CLPTM1L: variants seen among roughly 807,000 people sequenced by gnomAD.
CLPTM1L encodes the protein lipid scramblase CLPTM1L.
CLPTM1L carries 38 observed loss-of-function variants against 70.9 expected under a neutral mutation model. The ratio of observed to expected loss-of-function variants is 0.54; its 90% CI spans 0.41 to 0.70. CLPTM1L has a LOEUF of 0.70. CLPTM1L is among the 30% of genes least tolerant of loss of function. CLPTM1L has a pLI of 0.00. For synonymous variants in CLPTM1L, 339 were observed against 299.9 expected (o/e 1.13, Z -1.35); for missense variants, 652 against 705.9 (o/e 0.92, Z 0.87).
intron 7 of CLPTM1L, chr5:1,332,185 G>C: frequency 2.6e-6 from 1 of 378,438 alleles, no homozygotes; most frequent in Non-Finnish European, 4.9e-6. Context: ...CATGGGCCTG[G>C]CTGGGCACCC....
Position 1,319,122 on chromosome 5 carries a change from T to G in CLPTM1L, c.1533-669A>C, listed in dbSNP as rs550493143. On this transcript the variant is annotated intron_variant, in intron 16 of 16. Coordinates refer to ENST00000320895, the MANE Select transcript of CLPTM1L (RefSeq NM_030782.5). ...CCACCTGCGAGGACTTGGGAGCCAC[T>G]TGAAGGGCTCACAGTTGAGACAACC... 2.0e-5 allele frequency among the ~76,000 whole-genome samples: 3 copies of G among 152,290 alleles called. No individual in the cohort carries two copies. The South Asian group carries it at 6.2e-4, about 32-fold the overall frequency.
chr5:1,332,586 A>T (rs893296554), intron 7 of CLPTM1L, among the ~76,000 whole-genome samples: 4 of 152,220 alleles, frequency 2.6e-5, no homozygotes, highest in Non-Finnish European at 5.9e-5. Flanking sequence ...TCTCCCTAGC[A>T]GCTCAGCTCC....
rs759668389 is a variant in CLPTM1L at position 1,342,291 on chromosome 5, G to A, written c.264-431C>T. ...AAGGGCAGCAGCCACGAGGGCTCCA[G>A]GTGCCTCGGCCCACACTACTGGAAC... On this transcript the variant is annotated intron_variant, in intron 2 of 16. Coordinates refer to ENST00000320895, the MANE Select transcript of CLPTM1L (RefSeq NM_030782.5). The surrounding 1 kb of genome is among the most constrained non-coding windows in gnomAD (Gnocchi z 4.3). 6.6e-6 allele frequency among the ~76,000 whole-genome samples: 1 copy of A among 152,174 alleles called. No homozygotes were observed. The highest frequency in any genetic ancestry group is 2.4e-5 in the African/African-American group (1 of 41,430).
Position 1,335,277 on chromosome 5 carries a change from G to A in CLPTM1L, c.679-103C>T, listed in dbSNP as rs1753500282. 4 of 859,490 alleles carry A rather than the reference G, an allele frequency of 4.7e-6. No individual in the cohort carries two copies. The South Asian group carries it at 6.0e-5, about 13-fold the overall frequency. The allele number at this position is 859,490 out of a possible 1,614,324, so 53.2% of individuals were successfully genotyped here. ...CCATCCCCCTTCCCATCCCTGTGTG[G>A]CCCCAGGTCAGCCATGACTGGGCCC... is the stretch of plus-strand genomic sequence containing the variant. On this transcript the variant is annotated intron_variant, in intron 5 of 16. Coordinates refer to ENST00000320895, the MANE Select transcript of CLPTM1L (RefSeq NM_030782.5).
chr5:1,328,644 A>G (rs1255037758), intron 9 of CLPTM1L, among the ~76,000 whole-genome samples: 2 of 150,740 alleles, frequency 1.3e-5, no homozygotes, highest in East Asian at 3.9e-4. Context: ...CCTCCTCTAC[A>G]GACAGTTTTC....
In CLPTM1L at chr5:1,325,624, C is replaced by T. The variant is rs1579624639; in HGVS notation, c.1146+127G>A. 4 of 749,618 alleles carry T rather than the reference C, an allele frequency of 5.3e-6. No individual in the cohort carries two copies. The East Asian group carries it at 7.4e-5, about 14-fold the overall frequency. 46.4% of individuals were successfully genotyped at this position (749,618 alleles called of 1,614,324 possible). ...GATCAGAAACCAGTGCTGCCTCCACCACGGAGGCTCCCCTGACAGAGGCCC... is the reference window on the plus strand; with the variant it reads ...GATCAGAAACCAGTGCTGCCTCCACTACGGAGGCTCCCCTGACAGAGGCCC... On this transcript the variant is annotated intron_variant, in intron 10 of 16. Transcript: ENST00000320895.
chr5:1,338,942 G>A lies in CLPTM1L; in HGVS notation c.517C>T (p.Arg173Trp), dbSNP rs1753761455. Residue 173 changes from arginine to tryptophan, a missense_variant, in exon 4 of 17, where the codon CGG (arginine) becomes TGG (tryptophan). Coordinates refer to ENST00000320895, the MANE Select transcript of CLPTM1L (RefSeq NM_030782.5). ...LDEPVSHWRPRLALNVMADNF... is the reference protein window; with the variant it reads ...LDEPVSHWRPWLALNVMADNF... ...TCCGCCATCACGTTCAGCGCCAGCCGCGGTCGCCAGTGGGACACTGGCTCA... is the reference window on the plus strand; with the variant it reads ...TCCGCCATCACGTTCAGCGCCAGCCACGGTCGCCAGTGGGACACTGGCTCA... The A allele has an allele frequency of 5.0e-6, 8 of 1,613,388 alleles. No individual in the cohort carries two copies. The highest frequency in any genetic ancestry group is 5.1e-6 in the Non-Finnish European group (6 of 1,180,048).
At chr5:1,330,424 G>C (rs1300301234) in intron 8 of CLPTM1L, 41 bp from the exon 9 acceptor site, 4 of 1,526,694 alleles carry the variant, frequency 2.6e-6, no homozygotes, top group East Asian at 4.5e-5. Context: ...GTGCAGGGCA[G>C]ACCCCACCTG....
At chr5:1,327,897 C>T (rs879049180) in intron 9 of CLPTM1L, among the ~76,000 whole-genome samples, 41 of 98,318 alleles carry the variant, frequency 4.2e-4, no homozygotes, top group African/African-American at 1.4e-3. Flanking sequence ...CAGGGACATT[C>T]CATCCAGCTC....
intron 5 of CLPTM1L, among the ~76,000 whole-genome samples, chr5:1,335,932 C>T (rs1176650020): frequency 6.8e-6 from 1 of 148,082 alleles, no homozygotes; most frequent in Non-Finnish European, 1.5e-5. Context: ...TCCACCTGCC[C>T]TGCCTCAAGC....
chr5:1,323,470 C>T (rs778287747), intron 12 of CLPTM1L, among the ~76,000 whole-genome samples: 20 of 151,832 alleles, frequency 1.3e-4, no homozygotes, highest in East Asian at 7.7e-4. Context: ...CCGGGGGCTC[C>T]GGGAACCCTC....
Position 1,317,859 on chromosome 5 carries a change from A to G in CLPTM1L, c.*510T>C. On this transcript the variant is annotated 3_prime_UTR_variant, in exon 17 of 17. Transcript: ENST00000320895. The stretch of plus-strand genomic sequence containing the variant: ...CGAAATACTTTCATTATACCAGGTC[A>G]AGAAAAATGCCACAGCCAGAAAAAT... The G allele has an allele frequency of 6.5e-6, 1 of 153,348 alleles. No homozygotes were observed. The highest frequency in any genetic ancestry group is 1.5e-5 in the Non-Finnish European group (1 of 68,744). The allele number at this position is 153,348 out of a possible 1,614,324, so 9.5% of individuals were successfully genotyped here. A position where few individuals can be genotyped will look rare whatever the true frequency, so the allele number is the denominator to read the frequency against.
In CLPTM1L at chr5:1,342,039, T is replaced by TGTGTGTGTGTGTGTGTGC. The variant is rs3222913; in HGVS notation, c.264-180_264-179insGCACACACACACACACAC. ...GTGTGTGTGTGTGTGTGTGTGTGTG[T>TGTGTGTGTGTGTGTGTGC]GCACGCGCACGCGTGCGCGTCCTGA... On this transcript the variant is annotated intron_variant, in intron 2 of 16. Transcript: ENST00000320895. The surrounding 1 kb of genome is among the most constrained non-coding windows in gnomAD (Gnocchi z 4.3). Among the ~76,000 whole-genome samples the TGTGTGTGTGTGTGTGTGC allele has an allele frequency of 1.3e-5, 2 of 149,088 alleles. No homozygotes were observed. Among genetic ancestry groups the TGTGTGTGTGTGTGTGTGC allele is most frequent in the Non-Finnish European group, 3.0e-5 (2 of 67,336 alleles).
chr5:1,325,217 G>A lies in CLPTM1L; in HGVS notation c.1147-404C>T, dbSNP rs1017475202. 25 of 269,544 alleles carry A rather than the reference G, an allele frequency of 9.3e-5. No individual in the cohort carries two copies. In the Admixed American group the frequency reaches 1.2e-3, roughly 13 times the overall value. The allele number at this position is 269,544 out of a possible 1,614,324, so 16.7% of individuals were successfully genotyped here. A position where few individuals can be genotyped will look rare whatever the true frequency, so the allele number is the denominator to read the frequency against. On this transcript the variant is annotated intron_variant, in intron 10 of 16. Transcript: ENST00000320895. Reference sequence around the variant, plus strand: ...GTGTGCTGGGCTTCCTGACCCCCCTGCCCACAGCATGGAAAATCTCAGCCT... The same window carrying A: ...GTGTGCTGGGCTTCCTGACCCCCCTACCCACAGCATGGAAAATCTCAGCCT...
At position 1,320,599 on chromosome 5, in the gene CLPTM1L, T is replaced by G; in HGVS notation, c.1532+17A>C. The G allele has an allele frequency of 7.0e-7, 1 of 1,427,222 alleles. No individual in the cohort carries two copies. The highest frequency in any genetic ancestry group is 9.5e-7 in the Non-Finnish European group (1 of 1,056,658). 88.4% of individuals were successfully genotyped at this position (1,427,222 alleles called of 1,614,324 possible). ...GCTGAGACGGAGCAACGGCCGAGCA[T>G]ACGCAGCCGCACTCACCACCGCTGG... On this transcript the variant is annotated intron_variant, in intron 16 of 16. Coordinates refer to ENST00000320895, the MANE Select transcript of CLPTM1L (RefSeq NM_030782.5).
intron 2 of CLPTM1L, among the ~76,000 whole-genome samples, chr5:1,343,666 A>C (rs1222340329): frequency 1.3e-5 from 2 of 152,094 alleles, no homozygotes; most frequent in Non-Finnish European, 2.9e-5. Flanking sequence ...CCAGGCAGAA[A>C]CCGGCTTGCC....
chr5:1,338,307 C>A, intron 4 of CLPTM1L: 1 of 394,266 alleles, frequency 2.5e-6, no homozygotes, highest in Non-Finnish European at 4.7e-6. Flanking sequence ...CGGAGCAATC[C>A]CAGGATGCAC....
Position 1,331,818 on chromosome 5 carries a change from G to A in CLPTM1L, c.957C>T (p.Ile319=), listed in dbSNP as rs142281891. 8 of 1,613,372 alleles carry A rather than the reference G, an allele frequency of 5.0e-6. No individual in the cohort carries two copies. The African/African-American group carries it at 5.3e-5, about 11-fold the overall frequency. ...ISFWKKKKSM[I]GMSTKAVLWR... ...GCCTACCTGCCTTGGTGGACATGCC[G>A]ATCATGCTCTTCTTCTTCTTCCAGA... is the stretch of plus-strand genomic sequence containing the variant. Residue 319 remains isoleucine (I), a synonymous_variant, in exon 8 of 17, where the codon ATC becomes ATT. Coordinates refer to ENST00000320895, the MANE Select transcript of CLPTM1L (RefSeq NM_030782.5).
intron 7 of CLPTM1L, 56 bp downstream of exon 7, chr5:1,334,233 C>G: frequency 1.5e-6 from 2 of 1,343,600 alleles, no homozygotes; most frequent in Admixed American, 1.8e-5. Flanking sequence ...GCAGGAGGCC[C>G]GGGGCCCAGG....
Sources: allele counts gnomAD v4.1 joint callset (sites outside exome capture counted in the v4.1 genomes callset), GRCh38; gene constraint gnomAD v4.1.1; non-coding constraint Gnocchi (gnomAD v3.1); transcripts MANE v1.5; gene names NCBI Gene and HGNC (gene_info 2026-07-23, HGNC 2026-07-21).